The following NELL1 variants were observed in gnomAD, a reference collection of about 807,000 sequenced individuals.
NELL1 encodes the protein protein kinase C-binding protein NELL1.
NELL1 carries 76 observed loss-of-function variants against 107.4 expected under a neutral mutation model. That is an observed-to-expected ratio of 0.71 (90% CI 0.59 to 0.86). The LOEUF (loss-of-function observed/expected upper bound fraction) is 0.86. NELL1 is among the 40% of genes least tolerant of loss of function. The pLI, the probability that NELL1 is intolerant of heterozygous loss-of-function variation, is 0.00. For synonymous variants in NELL1, 353 were observed against 341.2 expected (o/e 1.03, Z -0.38); for missense variants, 1,024 against 1,005.5 (o/e 1.02, Z -0.25).
chr11:21,415,576 T>TC, intron 15 of NELL1, among the ~76,000 whole-genome samples: 3 of 151,956 alleles, frequency 2.0e-5, no homozygotes, highest in African/African-American at 7.2e-5. Context: ...TCCTTTCATT[T>TC]CCCCCCTATT....
chr11:21,278,881 A>G (rs1848930573), intron 14 of NELL1, among the ~76,000 whole-genome samples: 1 of 152,184 alleles, frequency 6.6e-6, no homozygotes, highest in African/African-American at 2.4e-5. Context: ...GTGAAGACTT[A>G]CTATGAAGCT....
chr11:20,855,624 GA>G (rs538784484), intron 4 of NELL1, among the ~76,000 whole-genome samples: 115 of 152,200 alleles, frequency 7.6e-4, no homozygotes, highest in African/African-American at 2.4e-3. Context: ...TTTCTGATAG[GA>G]AAAATATTGA....
chr11:20,961,474 G>C (rs921886116), intron 12 of NELL1, among the ~76,000 whole-genome samples: 2 of 151,990 alleles, frequency 1.3e-5, no homozygotes, highest in African/African-American at 4.8e-5. Context: ...ATGATGATTT[G>C]GGTAGTTGTC....
At chr11:20,941,247 C>T (rs1055517775) in intron 10 of NELL1, among the ~76,000 whole-genome samples, 3 of 152,200 alleles carry the variant, frequency 2.0e-5, no homozygotes, top group Non-Finnish European at 4.4e-5. Flanking sequence ...CATTAGGAAT[C>T]AGAGAATTCC....
At chr11:20,758,951 A>G (rs1444588853) in intron 2 of NELL1, among the ~76,000 whole-genome samples, 1 of 152,166 alleles carries the variant, frequency 6.6e-6, no homozygotes, top group Non-Finnish European at 1.5e-5. Context: ...TAAGGTTGGG[A>G]GAATGAAGGG....
chr11:21,302,810 T>C (rs1363558280), intron 14 of NELL1, among the ~76,000 whole-genome samples: 1 of 151,746 alleles, frequency 6.6e-6, no homozygotes, highest in Admixed American at 6.6e-5. Context: ...AATTTCAGCA[T>C]TTTGGAAGGC....
At chr11:21,485,352 C>T (rs1264470997) in intron 15 of NELL1, among the ~76,000 whole-genome samples, 1 of 152,086 alleles carries the variant, frequency 6.6e-6, no homozygotes, top group African/African-American at 2.4e-5. Context: ...GTGAGGAAAT[C>T]ACAGGCCCCA....
chr11:20,918,121 T>A, intron 5 of NELL1, 61 bp from the exon 6 acceptor site: 1 of 886,808 alleles, frequency 1.1e-6, no homozygotes. Context: ...TGTGATTGCA[T>A]AGGGGACATT....
At chr11:20,756,517 T>A (rs1294485987) in intron 2 of NELL1, among the ~76,000 whole-genome samples, 1,916 of 98,944 alleles carry the variant, frequency 0.019, 45 homozygotes, top group African/African-American at 0.08. Flanking sequence ...TTTTTTGTAA[T>A]TTTTTTTTTT....
At chr11:21,176,269 T>C (rs1469972587) in intron 13 of NELL1, among the ~76,000 whole-genome samples, 1 of 151,928 alleles carries the variant, frequency 6.6e-6, no homozygotes, top group Non-Finnish European at 1.5e-5. Context: ...CACTTTGTTT[T>C]GAATTCCACC....
intron 11 of NELL1, among the ~76,000 whole-genome samples, chr11:20,953,701 A>T (rs934887102): frequency 1.3e-5 from 2 of 152,160 alleles, no homozygotes; most frequent in African/African-American, 4.8e-5. Context: ...TTCTTTGTAC[A>T]TATCACGGGC....
intron 12 of NELL1, among the ~76,000 whole-genome samples, chr11:20,968,473 G>T (rs1279884201): frequency 6.6e-6 from 1 of 152,156 alleles, no homozygotes; most frequent in East Asian, 1.9e-4. Flanking sequence ...AGAGTCTGTA[G>T]GTCAGGGGCT....
intron 2 of NELL1, among the ~76,000 whole-genome samples, chr11:20,707,363 C>G (rs1564872253): frequency 6.6e-6 from 1 of 151,740 alleles, no homozygotes; most frequent in Admixed American, 6.6e-5. Flanking sequence ...GTCTTCTTCC[C>G]TCAACTCGTC....
chr11:20,699,804 G>A (rs1453152511), intron 2 of NELL1, among the ~76,000 whole-genome samples: 1 of 152,148 alleles, frequency 6.6e-6, no homozygotes, highest in African/African-American at 2.4e-5. Flanking sequence ...CCCAATAGTG[G>A]AATTGCTGGA....
intron 15 of NELL1, among the ~76,000 whole-genome samples, chr11:21,530,569 T>C (rs560685893): frequency 6.6e-6 from 1 of 152,210 alleles, no homozygotes; most frequent in East Asian, 1.9e-4. Context: ...GCAACAATTA[T>C]AGAAATTGTT....
intron 13 of NELL1, among the ~76,000 whole-genome samples, chr11:21,165,596 G>A (rs67859438): frequency 0.096 from 14,318 of 149,410 alleles, 822 homozygotes; most frequent in Non-Finnish European, 0.11. Context: ...AAAGGAAGTC[G>A]CTGTATTGAA....
intron 12 of NELL1, among the ~76,000 whole-genome samples, chr11:21,111,544 G>A (rs1472579446): frequency 6.6e-6 from 1 of 152,060 alleles, no homozygotes; most frequent in African/African-American, 2.4e-5. Context: ...GGTATATGGT[G>A]CTTGCTTATG....
chr11:21,190,460 A>G (rs1039710873), intron 13 of NELL1, among the ~76,000 whole-genome samples: 1 of 151,860 alleles, frequency 6.6e-6, no homozygotes, highest in Non-Finnish European at 1.5e-5. Context: ...GTGTCCCCTC[A>G]TAGTCTGGTA....
intron 13 of NELL1, among the ~76,000 whole-genome samples, chr11:21,192,654 T>G (rs1857071568): frequency 1.3e-5 from 2 of 151,850 alleles, no homozygotes; most frequent in Non-Finnish European, 1.5e-5. Context: ...GGGCATGTTT[T>G]GTAGTGACAG....
Sources: gnomAD v4.1 joint callset for allele counts (sites outside exome capture counted in the v4.1 genomes callset) on GRCh38, gnomAD v4.1.1 for gene constraint, MANE v1.5 for transcripts, NCBI Gene and HGNC (gene_info 2026-07-23, HGNC 2026-07-21) for gene names.